Variants in ANKRD36 observed in about 807,000 individuals in gnomAD.
The protein encoded by ANKRD36 is ankyrin repeat domain-containing protein 36A.
ANKRD36 carries 179 observed loss-of-function variants against 278.1 expected under a neutral mutation model. The observed-to-expected ratio is 0.64, with a 90% CI of 0.57 to 0.73. The LOEUF (loss-of-function observed/expected upper bound fraction) is 0.73, where lower values mean the gene tolerates loss of function less well. Among genes scored for constraint, ANKRD36 ranks in the 30% least tolerant of loss-of-function variants. The probability of loss-of-function intolerance (pLI) is 0.00; values close to 1 mark genes in which losing one functional copy is unlikely to be tolerated. For missense variants in ANKRD36, 1,159 were observed against 1,956.7 expected, an observed-to-expected ratio of 0.59 and a Z score of 7.69; for synonymous variants, 320 against 641.1, an observed-to-expected ratio of 0.50 and a Z score of 7.57.
intron 67 of ANKRD36, among the ~76,000 whole-genome samples, chr2:97,229,734 G>T (rs1220156975): frequency 6.6e-6 from 1 of 152,032 alleles, no homozygotes; most frequent in Non-Finnish European, 1.5e-5. Flanking sequence ...TCCTAGTCTC[G>T]ATGGTCTTTA....
intron 44 of ANKRD36, among the ~76,000 whole-genome samples, chr2:97,199,494 C>A (rs1279024345): frequency 6.6e-6 from 1 of 151,914 alleles, no homozygotes; most frequent in African/African-American, 2.4e-5. Flanking sequence ...ATTTTAGACA[C>A]AAGAATGATG....
At chr2:97,172,797 C>A (rs1839912) in intron 22 of ANKRD36, among the ~76,000 whole-genome samples, 7 of 141,864 alleles carry the variant, frequency 4.9e-5, no homozygotes, top group African/African-American at 1.9e-4. Context: ...AGAAACACCC[C>A]GTAAAGCCAT....
chr2:97,163,762 A>G (rs1285063378), intron 18 of ANKRD36: 2 of 337,128 alleles, frequency 5.9e-6, no homozygotes, highest in Non-Finnish European at 8.5e-6. Context: ...TTTTTAGTAG[A>G]GACGGGGTTT....
At chr2:97,193,944 G>C (rs1393884801) in intron 38 of ANKRD36, among the ~76,000 whole-genome samples, 1 of 151,662 alleles carries the variant, frequency 6.6e-6, no homozygotes, top group East Asian at 2.0e-4. Flanking sequence ...AATGAATATT[G>C]CAGTGATTTC....
In ANKRD36 at chr2:97,207,814, C is replaced by G. The variant is rs774199721; in HGVS notation, c.3167C>G (p.Ser1056Cys). ...NKDGEKSRTV[S>C]SEKPSGLKAT... ...ATGAATCCCTTTTACTTTTCAGTGT[C>G]TTCTGAGAAACCATCAGGCTTGAAG... The change falls in exon 53 of 76, where the codon TCT becomes TGT. Residue 1056 changes from serine to cysteine, a missense_variant. Physicochemically the swap from Ser to Cys is moderately radical, Grantham distance 112. Coordinates refer to ENST00000420699, the MANE Select transcript of ANKRD36 (RefSeq NM_001354587.1). The G allele has an allele frequency of 1.3e-6, 2 of 1,546,484 alleles. No homozygotes were observed.
At chr2:97,180,027 G>T in intron 24 of ANKRD36, 94 bp downstream of exon 24, 1 of 1,561,972 alleles carries the variant, frequency 6.4e-7, no homozygotes, top group Non-Finnish European at 8.7e-7. Context: ...CATCTAAGCT[G>T]CACGTTCTGA....
chr2:97,192,315 AAT>A (rs2058698745), intron 36 of ANKRD36, among the ~76,000 whole-genome samples: 1 of 151,770 alleles, frequency 6.6e-6, no homozygotes, highest in African/African-American at 2.4e-5. Context: ...GGTATCAGCA[AAT>A]GGATATCCAA....
At chr2:97,130,176 G>C (rs1264299597) in intron 6 of ANKRD36, among the ~76,000 whole-genome samples, 1 of 151,466 alleles carries the variant, frequency 6.6e-6, no homozygotes, top group East Asian at 1.9e-4. Context: ...ATTCACAATA[G>C]CAAAGACATG....
At chr2:97,204,901 C>A (rs1380658635) in intron 50 of ANKRD36, among the ~76,000 whole-genome samples, 2 of 151,472 alleles carry the variant, frequency 1.3e-5, no homozygotes, top group Non-Finnish European at 1.5e-5. Context: ...CATAAAAACA[C>A]AATAACTCAT....
intron 6 of ANKRD36, among the ~76,000 whole-genome samples, chr2:97,129,034 A>G (rs945032219): frequency 6.6e-6 from 1 of 152,102 alleles, no homozygotes; most frequent in Non-Finnish European, 1.5e-5. Flanking sequence ...TAGATCCCTG[A>G]GGAATCACCA....
At chr2:97,177,358 C>T (rs1158322983) in intron 22 of ANKRD36, among the ~76,000 whole-genome samples, 1 of 151,782 alleles carries the variant, frequency 6.6e-6, no homozygotes, top group African/African-American at 2.4e-5. Flanking sequence ...AAAAAAGAGC[C>T]CACATCGCCA....
chr2:97,118,455 G>A lies in ANKRD36; in HGVS notation c.424G>A (p.Glu142Lys), dbSNP rs777156290. The change falls in exon 3 of 76, where the codon GAA (glutamate) becomes AAA (lysine). Residue 142 changes from glutamate to lysine, a missense_variant. Physicochemically the swap from Glu to Lys is moderately conservative, Grantham distance 56. Transcript: ENST00000420699. Reference sequence around the variant, plus strand: ...TGCTCTGCACTACGCTGTGTATAATGAAGATACATCCATGATAGAAAAACT... The same window carrying A: ...TGCTCTGCACTACGCTGTGTATAATAAAGATACATCCATGATAGAAAAACT... ...RTALHYAVYN[E>K]DTSMIEKLLS... is the part of the protein sequence containing the mutation. 16 of 1,606,226 alleles carry A rather than the reference G, an allele frequency of 1.0e-5. No individual in the cohort carries two copies. In the East Asian group the frequency reaches 3.6e-4, roughly 36 times the overall value.
chr2:97,135,717 G>T (rs1445567132), intron 6 of ANKRD36, among the ~76,000 whole-genome samples: 2 of 151,670 alleles, frequency 1.3e-5, no homozygotes, highest in Non-Finnish European at 2.9e-5. Flanking sequence ...CATATATAAT[G>T]TGTATGCACT....
chr2:97,192,067 A>G (rs1187295389), intron 36 of ANKRD36, among the ~76,000 whole-genome samples: 3 of 151,888 alleles, frequency 2.0e-5, no homozygotes, highest in Non-Finnish European at 4.4e-5. Flanking sequence ...ATCATTTTCA[A>G]TGGATATTGG....
intron 32 of ANKRD36, among the ~76,000 whole-genome samples, chr2:97,187,616 C>A (rs2057715053): frequency 6.6e-6 from 1 of 151,698 alleles, no homozygotes; most frequent in Non-Finnish European, 1.5e-5. Context: ...ATACACTTCC[C>A]CACATTGAAA....
chr2:97,171,484 A>AG (rs1171610924), intron 22 of ANKRD36, among the ~76,000 whole-genome samples: 2 of 133,866 alleles, frequency 1.5e-5, no homozygotes, highest in Non-Finnish European at 3.1e-5. Flanking sequence ...TCTCACTCAT[A>AG]GGTGGGAATT....
chr2:97,201,263 G>A (rs1246990074), intron 46 of ANKRD36, among the ~76,000 whole-genome samples: 14 of 151,792 alleles, frequency 9.2e-5, no homozygotes, highest in Non-Finnish European at 1.5e-5. Flanking sequence ...TGAATATGTT[G>A]GTTTCCTTGT....
At chr2:97,188,183 A>C (rs1437462459) in intron 32 of ANKRD36, among the ~76,000 whole-genome samples, 2 of 151,764 alleles carry the variant, frequency 1.3e-5, no homozygotes, top group African/African-American at 4.8e-5. Flanking sequence ...CTCTTGGATA[A>C]AATAGCTATT....
chr2:97,122,921 G>A lies in ANKRD36; in HGVS notation c.521G>A (p.Arg174Gln), dbSNP rs1005229885. Residue 174 changes from arginine to glutamine, a missense_variant, in exon 4 of 76, where the codon CGA becomes CAA. By Grantham distance (43) the Arg-to-Gln change is conservative (BLOSUM62 1). Coordinates refer to ENST00000420699, the MANE Select transcript of ANKRD36 (RefSeq NM_001354587.1). ...EYQPLLFAVS[R>Q]RKVKMVEFLL... is the part of the protein sequence containing the mutation. ...CAGCCACTGTTATTTGCTGTGAGTC[G>A]AAGAAAAGTGAAAATGGTGGAATTT... The A allele has an allele frequency of 2.5e-5, 39 of 1,543,466 alleles. No individual in the cohort carries two copies. The highest frequency in any genetic ancestry group is 1.7e-4 in the Middle Eastern group (1 of 5,980).
Sources: gnomAD v4.1 joint callset for allele counts (sites outside exome capture counted in the v4.1 genomes callset) on GRCh38, gnomAD v4.1.1 for gene constraint, MANE v1.5 for transcripts, NCBI Gene and HGNC (gene_info 2026-07-23, HGNC 2026-07-21) for gene names.